FOXN3: variants seen among roughly 807,000 people sequenced by gnomAD.
FOXN3 encodes forkhead box protein N3.
Under a neutral mutation model 38.4 loss-of-function variants are expected in FOXN3, and 7 were observed. The observed-to-expected ratio is 0.18, with a 90% confidence interval of 0.10 to 0.34. The LOEUF (loss-of-function observed/expected upper bound fraction) is 0.34. Ranked by LOEUF, FOXN3 falls within the 10% of genes least tolerant of loss-of-function variation. FOXN3 has a pLI of 1.00. For synonymous variants in FOXN3, 230 were observed against 242.2 expected (o/e 0.95, Z 0.47); for missense variants, 456 against 613.4 (o/e 0.74, Z 2.71).
At chr14:89,477,822 G>C (rs955769514) in intron 1 of FOXN3, among the ~76,000 whole-genome samples, 41 of 152,030 alleles carry the variant, frequency 2.7e-4, no homozygotes, top group African/African-American at 9.4e-4. Flanking sequence ...AATAGGCATT[G>C]AGTCAATTTT....
chr14:89,476,002 C>A (rs192960689), intron 1 of FOXN3, among the ~76,000 whole-genome samples: 1 of 152,092 alleles, frequency 6.6e-6, no homozygotes, highest in Non-Finnish European at 1.5e-5. Flanking sequence ...AACTATGTAT[C>A]GCTGTGAGAT....
chr14:89,421,097 C>G (rs138239416), upstream of FOXN3, among the ~76,000 whole-genome samples: 53 of 148,752 alleles, frequency 3.6e-4, no homozygotes, highest in East Asian at 9.7e-3. Context: ...TTATGGGATA[C>G]TTCTTTTTTG....
intron 3 of FOXN3, among the ~76,000 whole-genome samples, chr14:89,311,120 A>T (rs899362906): frequency 6.6e-6 from 1 of 150,728 alleles, no homozygotes; most frequent in Non-Finnish European, 1.5e-5. Context: ...AAAAAAAAAA[A>T]ACCTGACATC....
Position 89,162,999 on chromosome 14 carries a change from G to A in FOXN3, c.852-30C>T. The A allele has an allele frequency of 6.6e-7, 1 of 1,510,322 alleles. No homozygotes were observed. The allele number at this position is 1,510,322 out of a possible 1,614,324, so 93.6% of individuals were successfully genotyped here. ...AGAGCGAGGACAGTGGGGAGGGACG[G>A]GAGACAAAGAAGGGACACAGTTAGA... On this transcript the variant is annotated intron_variant, in intron 5 of 5. Coordinates refer to ENST00000557258, the MANE Select transcript of FOXN3 (RefSeq NM_005197.4). The surrounding 1 kb of genome is among the most constrained non-coding windows in gnomAD (Gnocchi z 7.2).
At chr14:89,535,503 T>G (rs1477887661) in intron 1 of FOXN3, among the ~76,000 whole-genome samples, 1 of 152,188 alleles carries the variant, frequency 6.6e-6, no homozygotes, top group East Asian at 1.9e-4. Context: ...TAGCAGATAA[T>G]GCAGCCTTTT....
At chr14:89,389,712 G>C (rs888439140) in intron 2 of FOXN3, among the ~76,000 whole-genome samples, 7 of 152,152 alleles carry the variant, frequency 4.6e-5, no homozygotes, top group African/African-American at 1.4e-4. Flanking sequence ...TTGATGTGTA[G>C]GTGGCCAAAT....
At chr14:89,367,826 G>A (rs930696859) in intron 2 of FOXN3, among the ~76,000 whole-genome samples, 1 of 94,930 alleles carries the variant, frequency 1.1e-5, no homozygotes, top group Admixed American at 1.4e-4. Flanking sequence ...TCAGCAAGCC[G>A]GCCTCCTGCC....
In FOXN3 at chr14:89,448,666, C is replaced by T. The variant is rs116520381; in HGVS notation, c.-14-36176G>A. Among the ~76,000 whole-genome samples, 344 of 152,084 alleles carry T rather than the reference C, an allele frequency of 2.3e-3. 2 individuals are homozygous for T. Among genetic ancestry groups the T allele is most frequent in the African/African-American group, 7.9e-3 (328 of 41,504 alleles). On this transcript the variant is annotated intron_variant, in intron 1 of 6. Coordinates refer to the FOXN3 transcript ENST00000345097. ...TACATAAGAAATCCTGGGTGGGGTG[C>T]GGTGGCTAACACCTGTATTCTCAGC... is the stretch of plus-strand genomic sequence containing the variant.
At chr14:89,466,338 T>C (rs1892975260) in intron 1 of FOXN3, among the ~76,000 whole-genome samples, 1 of 152,192 alleles carries the variant, frequency 6.6e-6, no homozygotes, top group African/African-American at 2.4e-5. Context: ...AAGTATGACT[T>C]TGCCACAAAC....
chr14:89,521,347 T>C (rs1334074165), intron 1 of FOXN3, among the ~76,000 whole-genome samples: 1 of 128,286 alleles, frequency 7.8e-6, no homozygotes, highest in Non-Finnish European at 1.6e-5. Context: ...TGAATCTTCA[T>C]AGATGATAGA....
intron 4 of FOXN3, among the ~76,000 whole-genome samples, chr14:89,195,903 G>A (rs1287166590): frequency 2.0e-5 from 3 of 152,028 alleles, no homozygotes; most frequent in Admixed American, 6.6e-5. Context: ...ATTGATTGCT[G>A]GTTAATTCAG....
intron 2 of FOXN3, among the ~76,000 whole-genome samples, chr14:89,386,973 G>T (rs543314099): frequency 6.6e-6 from 1 of 151,800 alleles, no homozygotes; most frequent in Non-Finnish European, 1.5e-5. Context: ...TAAATTGGGG[G>T]GTGCCAGGCA....
intron 2 of FOXN3, among the ~76,000 whole-genome samples, chr14:89,407,575 A>G (rs1470808213): frequency 1.3e-5 from 2 of 152,204 alleles, no homozygotes; most frequent in African/African-American, 4.8e-5. Flanking sequence ...TCATGCCTAT[A>G]ATCCACAGCA....
At chr14:89,464,072 C>T (rs896906720) in intron 1 of FOXN3, among the ~76,000 whole-genome samples, 20 of 151,972 alleles carry the variant, frequency 1.3e-4, no homozygotes, top group Non-Finnish European at 2.5e-4. Flanking sequence ...GCATGAGCCA[C>T]CGCGCCCGGC....
intron 3 of FOXN3, among the ~76,000 whole-genome samples, chr14:89,285,141 C>T (rs943426892): frequency 2.0e-5 from 3 of 152,196 alleles, no homozygotes; most frequent in Admixed American, 1.3e-4. Context: ...ACCAGCTGAA[C>T]TTTCTGTGGA....
At chr14:89,496,634 T>C (rs1036859785) in intron 1 of FOXN3, among the ~76,000 whole-genome samples, 5 of 152,238 alleles carry the variant, frequency 3.3e-5, no homozygotes, top group Non-Finnish European at 7.3e-5. Flanking sequence ...AATGTTTTTA[T>C]TGTGGTAAAA....
chr14:89,461,148 C>G (rs1010248451), intron 1 of FOXN3, among the ~76,000 whole-genome samples: 2 of 151,840 alleles, frequency 1.3e-5, no homozygotes, highest in South Asian at 2.1e-4. Context: ...CATGGCCAAC[C>G]AACATGGTGA....
intron 5 of FOXN3, among the ~76,000 whole-genome samples, chr14:89,172,075 ACAT>A (rs1328409746): frequency 1.3e-5 from 2 of 152,244 alleles, no homozygotes; most frequent in Non-Finnish European, 2.9e-5. Flanking sequence ...AGTAGAAAAT[ACAT>A]CATATTAATT....
chr14:89,418,242 C>T (rs960709724), upstream of FOXN3, among the ~76,000 whole-genome samples: 1 of 152,110 alleles, frequency 6.6e-6, no homozygotes, highest in Admixed American at 6.5e-5. Flanking sequence ...GCCACCCCCT[C>T]CTGAGCCAGT....
Sources: gnomAD v4.1 joint callset for allele counts (sites outside exome capture counted in the v4.1 genomes callset) on GRCh38, gnomAD v4.1.1 for gene constraint, Gnocchi (gnomAD v3.1) non-coding constraint, MANE v1.5 for transcripts, NCBI Gene and HGNC (gene_info 2026-07-23, HGNC 2026-07-21) for gene names.